The following NEGR1 variants were observed in gnomAD, a reference collection of about 807,000 sequenced individuals.
NEGR1 encodes neuronal growth regulator 1.
Under a neutral mutation model 40.9 loss-of-function variants are expected in NEGR1, and 10 were observed. That is an observed-to-expected ratio of 0.24 (90% CI 0.15 to 0.42). The LOEUF (loss-of-function observed/expected upper bound fraction) is 0.42. Among genes scored for constraint, NEGR1 ranks in the 10% least tolerant of loss-of-function variants. The pLI is 1.00. For synonymous variants in NEGR1, 185 were observed against 166.8 expected, an observed-to-expected ratio of 1.11 and a Z score of -0.84; for missense variants, 352 against 438.9, an observed-to-expected ratio of 0.80 and a Z score of 1.77.
At chr1:71,745,349 C>T (rs1557636461) in intron 3 of NEGR1, among the ~76,000 whole-genome samples, 1 of 152,026 alleles carries the variant, frequency 6.6e-6, no homozygotes, top group Non-Finnish European at 1.5e-5. Flanking sequence ...TGGACTAAAA[C>T]AAACAAACAA....
intron 1 of NEGR1, among the ~76,000 whole-genome samples, chr1:72,005,850 T>A (rs1026409976): frequency 2.6e-5 from 4 of 152,150 alleles, no homozygotes; most frequent in Non-Finnish European, 4.4e-5. Context: ...CACCTATATT[T>A]TCATTCTATT....
chr1:71,925,372 C>T (rs894566690), intron 2 of NEGR1, among the ~76,000 whole-genome samples: 3 of 152,194 alleles, frequency 2.0e-5, no homozygotes, highest in Non-Finnish European at 4.4e-5. Flanking sequence ...TTCCCCGAAT[C>T]TTTCCACTTC....
At chr1:71,933,984 T>C (rs6697643) in intron 2 of NEGR1, among the ~76,000 whole-genome samples, 33,345 of 151,970 alleles carry the variant, frequency 0.22, 4,021 homozygotes, top group Admixed American at 0.36. Context: ...GCTATGCACC[T>C]AAGTTAATTT....
chr1:71,986,282 A>T (rs940899524), intron 1 of NEGR1, among the ~76,000 whole-genome samples: 21 of 152,200 alleles, frequency 1.4e-4, no homozygotes, highest in African/African-American at 5.1e-4. Flanking sequence ...CTGGTCATTA[A>T]TCTACCAGAT....
chr1:71,924,083 G>A (rs1645748500), intron 2 of NEGR1, among the ~76,000 whole-genome samples: 1 of 151,908 alleles, frequency 6.6e-6, no homozygotes, highest in African/African-American at 2.4e-5. Context: ...TAGAAATAGG[G>A]TCTCCCCGTG....
At chr1:71,897,185 G>A (rs555025304) in intron 2 of NEGR1, among the ~76,000 whole-genome samples, 14 of 151,800 alleles carry the variant, frequency 9.2e-5, no homozygotes, top group African/African-American at 2.9e-4. Context: ...ACTATAACTC[G>A]AAGTATTATT....
intron 2 of NEGR1, among the ~76,000 whole-genome samples, chr1:71,853,447 T>C (rs922994464): frequency 1.1e-4 from 17 of 152,108 alleles, no homozygotes; most frequent in Admixed American, 9.2e-4. Flanking sequence ...AATATATATG[T>C]TAGTGTTGAT....
chr1:71,531,842 T>G (rs1647365913), intron 6 of NEGR1, among the ~76,000 whole-genome samples: 1 of 151,422 alleles, frequency 6.6e-6, no homozygotes, highest in Non-Finnish European at 1.5e-5. Flanking sequence ...ATGTTTCATT[T>G]TGGGGTGGGG....
At chr1:71,574,089 G>C (rs1648886565) in intron 6 of NEGR1, among the ~76,000 whole-genome samples, 1 of 152,144 alleles carries the variant, frequency 6.6e-6, no homozygotes, top group South Asian at 2.1e-4. Context: ...ATGAAGTAAT[G>C]TCTTCCTCTG....
intron 2 of NEGR1, among the ~76,000 whole-genome samples, chr1:71,806,697 C>A (rs973266844): frequency 9.2e-5 from 14 of 151,934 alleles, no homozygotes; most frequent in Non-Finnish European, 1.5e-4. Flanking sequence ...CCCTATAAGG[C>A]AATAATCTTA....
At chr1:71,873,009 C>T (rs1428481922) in intron 2 of NEGR1, among the ~76,000 whole-genome samples, 1 of 150,546 alleles carries the variant, frequency 6.6e-6, no homozygotes, top group Non-Finnish European at 1.5e-5. Flanking sequence ...ACAAAATGAC[C>T]TATATTTTAT....
intron 3 of NEGR1, among the ~76,000 whole-genome samples, chr1:71,761,389 T>C (rs1655935769): frequency 6.6e-6 from 1 of 152,198 alleles, no homozygotes; most frequent in Non-Finnish European, 1.5e-5. Flanking sequence ...TGCTAATCCA[T>C]GGTCTACAGA....
At chr1:72,161,985 C>T (rs879343249) in intron 1 of NEGR1, among the ~76,000 whole-genome samples, 7 of 151,954 alleles carry the variant, frequency 4.6e-5, no homozygotes, top group Non-Finnish European at 8.8e-5. Context: ...AGCCACCATG[C>T]CTGGCCATGC....
At chr1:71,704,931 T>C (rs1233278567) in intron 3 of NEGR1, among the ~76,000 whole-genome samples, 2 of 151,934 alleles carry the variant, frequency 1.3e-5, no homozygotes, top group African/African-American at 2.4e-5. Context: ...TACAGTTTAT[T>C]GCAAGGTTGA....
chr1:71,443,325 G>A lies in NEGR1; in HGVS notation c.941-35755C>T, dbSNP rs1347587816. 3.3e-5 allele frequency among the ~76,000 whole-genome samples: 5 copies of A among 151,982 alleles called. No individual in the cohort carries two copies. In the South Asian group the frequency reaches 8.3e-4, roughly 25 times the overall value. On this transcript the variant is annotated intron_variant, in intron 6 of 6. Transcript: ENST00000357731. ...CTCGCTAGATCCCAGTGATCCTTCC[G>A]CCTCATAACTGTCGTAGCCATTATT...
chr1:71,806,821 G>A (rs1396676588), intron 2 of NEGR1, among the ~76,000 whole-genome samples: 2 of 150,124 alleles, frequency 1.3e-5, no homozygotes, highest in East Asian at 4.0e-4. Context: ...GAACTAATAA[G>A]TTTTAATCCC....
chr1:71,592,757 T>C, intron 6 of NEGR1, 60 bp downstream of exon 6: 1 of 1,387,598 alleles, frequency 7.2e-7, no homozygotes, highest in Non-Finnish European at 1.0e-6. Flanking sequence ...GTTTTATCTC[T>C]ACAGATGGAT....
intron 1 of NEGR1, among the ~76,000 whole-genome samples, chr1:72,060,314 T>A (rs1647154538): frequency 6.6e-6 from 1 of 151,700 alleles, no homozygotes; most frequent in Non-Finnish European, 1.5e-5. Flanking sequence ...TAGAGATTTA[T>A]CATCTTAACT....
chr1:71,615,610 C>T lies in NEGR1; in HGVS notation c.668-4464G>A, dbSNP rs867195524. The stretch of plus-strand genomic sequence containing the variant: ...AGAAATAGCAAAATGGTCATCATTG[C>T]TTGAGTAGAATAGGTGAGAATAATC... On this transcript the variant is annotated intron_variant, in intron 4 of 6. Transcript: ENST00000357731. 1.5e-4 allele frequency among the ~76,000 whole-genome samples: 23 copies of T among 152,282 alleles called. No homozygotes were observed. In the Middle Eastern group the frequency reaches 0.01, roughly 68 times the overall value.
Sources: gnomAD v4.1 joint callset for allele counts (sites outside exome capture counted in the v4.1 genomes callset) on GRCh38, gnomAD v4.1.1 for gene constraint, MANE v1.5 for transcripts, NCBI Gene and HGNC (gene_info 2026-07-23, HGNC 2026-07-21) for gene names.